SRGAP3: variants seen among roughly 807,000 people sequenced by gnomAD.
SRGAP3 encodes the protein SLIT-ROBO Rho GTPase activating protein 3, also known as SLIT-ROBO Rho GTPase-activating protein 3.
SRGAP3 carries 39 observed loss-of-function variants against 121.1 expected under a neutral mutation model. The ratio of observed to expected loss-of-function variants is 0.32; its 90% CI spans 0.25 to 0.42. The LOEUF is 0.42. SRGAP3 is among the 10% of genes least tolerant of loss of function. The probability of loss-of-function intolerance (pLI) is 1.00; values close to 1 mark genes in which losing one functional copy is unlikely to be tolerated. For missense variants in SRGAP3, 1,213 were observed against 1,470.6 expected, an observed-to-expected ratio of 0.82 and a Z score of 2.86; for synonymous variants, 601 against 570.0, an observed-to-expected ratio of 1.05 and a Z score of -0.77.
chr3:8,994,356 C>T lies in SRGAP3; in HGVS notation c.2395G>A (p.Val799Ile), dbSNP rs1202434909. 5 of 1,614,186 alleles carry T rather than the reference C, an allele frequency of 3.1e-6. No individual in the cohort carries two copies. Among genetic ancestry groups the T allele is most frequent in the East Asian group, 2.2e-5 (1 of 44,888 alleles). Residue 799 changes from valine to isoleucine, a missense_variant, in exon 19 of 22, where the codon GTT (valine) becomes ATT (isoleucine). By Grantham distance (29) the Val-to-Ile change is conservative. This residue lies in a region of SRGAP3 where 793 missense variants were observed against 1,032.9 expected (regional missense o/e 0.77). Coordinates refer to ENST00000383836, the MANE Select transcript of SRGAP3 (RefSeq NM_014850.4). ...GACTCCACTCACATGTCCTGTACAA[C>T]TATGTACTGATGGGGGATGAGTCCA... is the stretch of plus-strand genomic sequence containing the variant. ...VDGLIPHQYI[V>I]VQDMDDAFSD...
chr3:9,274,856 C>T (rs974133948), intron 3 of SRGAP3, among the ~76,000 whole-genome samples: 1 of 152,202 alleles, frequency 6.6e-6, no homozygotes, highest in South Asian at 2.1e-4. Flanking sequence ...CCACTTCTCT[C>T]CAATGTCCAG....
chr3:9,327,322 G>C (rs1955537233), intron 2 of SRGAP3, among the ~76,000 whole-genome samples: 1 of 151,600 alleles, frequency 6.6e-6, no homozygotes, highest in Non-Finnish European at 1.5e-5. Context: ...TTCACACACA[G>C]AATCTCTTAC....
At chr3:9,014,102 A>G (rs1943513040) in intron 15 of SRGAP3, 1 of 524,482 alleles carries the variant, frequency 1.9e-6, no homozygotes, top group Admixed American at 2.9e-5. Context: ...ACCCACAGGG[A>G]GATGCCCTCT....
intron 1 of SRGAP3, among the ~76,000 whole-genome samples, chr3:9,151,571 C>T (rs528209069): frequency 7.2e-4 from 110 of 152,288 alleles, no homozygotes; most frequent in African/African-American, 2.5e-3. Context: ...AGAAGACCTG[C>T]CAGAACTGGT....
intron 1 of SRGAP3, among the ~76,000 whole-genome samples, chr3:9,153,425 A>G (rs1489670318): frequency 6.6e-6 from 1 of 152,210 alleles, no homozygotes; most frequent in Non-Finnish European, 1.5e-5. Flanking sequence ...ACCGTCTCAG[A>G]GTCACACAGT....
At chr3:9,208,031 C>A (rs970006820) in intron 1 of SRGAP3, among the ~76,000 whole-genome samples, 1 of 152,162 alleles carries the variant, frequency 6.6e-6, no homozygotes, top group Non-Finnish European at 1.5e-5. Context: ...AACGTCTGAA[C>A]AGATCCCATC....
intron 1 of SRGAP3, among the ~76,000 whole-genome samples, chr3:9,221,778 C>T (rs1357472493): frequency 1.3e-5 from 2 of 152,334 alleles, no homozygotes; most frequent in Non-Finnish European, 2.9e-5. Flanking sequence ...CTGACTCCAT[C>T]TTTTGGTGCT....
At chr3:9,065,999 A>G (rs1946414327) in intron 4 of SRGAP3, among the ~76,000 whole-genome samples, 1 of 152,066 alleles carries the variant, frequency 6.6e-6, no homozygotes, top group African/African-American at 2.4e-5. Context: ...GGGTTTTGCC[A>G]TGTTGTCCAA....
chr3:9,348,728 G>A (rs905362135), intron 1 of SRGAP3: 70 of 1,273,978 alleles, frequency 5.5e-5, no homozygotes, highest in Non-Finnish European at 7.2e-5. Context: ...GGGTCTGATC[G>A]GTCTCAATAA....
At chr3:9,307,811 A>C (rs1357906267) in intron 3 of SRGAP3, among the ~76,000 whole-genome samples, 1 of 152,260 alleles carries the variant, frequency 6.6e-6, no homozygotes, top group Non-Finnish European at 1.5e-5. Context: ...CCATGTATCC[A>C]TAAATGTGGG....
chr3:9,101,811 C>T (rs1051862233), intron 3 of SRGAP3, among the ~76,000 whole-genome samples: 3 of 152,162 alleles, frequency 2.0e-5, no homozygotes, highest in African/African-American at 7.2e-5. Flanking sequence ...CGATGGCCTC[C>T]TGGATCTCAT....
At chr3:9,257,165 T>G (rs1450004016) in intron 3 of SRGAP3, among the ~76,000 whole-genome samples, 1 of 152,182 alleles carries the variant, frequency 6.6e-6, no homozygotes, top group African/African-American at 2.4e-5. Context: ...TTCTAAAGCA[T>G]GGGGTATGCA....
chr3:9,171,003 T>C (rs148643332), intron 1 of SRGAP3, among the ~76,000 whole-genome samples: 236 of 152,354 alleles, frequency 1.5e-3, no homozygotes, highest in Non-Finnish European at 2.5e-3. Context: ...TGAGGAGTGC[T>C]GATCCTGGCC....
At chr3:9,146,618 G>A (rs577448531) in intron 1 of SRGAP3, among the ~76,000 whole-genome samples, 2 of 152,336 alleles carry the variant, frequency 1.3e-5, no homozygotes, top group South Asian at 4.1e-4. Flanking sequence ...GATTTCATGA[G>A]AAAGCTTGGC....
In SRGAP3 at chr3:9,292,172, G is replaced by T. The variant is rs551343843; in HGVS notation, n.442+33838C>A. On this transcript the variant is annotated intron_variant and non_coding_transcript_variant, in intron 3 of 3. Coordinates refer to the SRGAP3 transcript ENST00000490889. Reference sequence around the variant, plus strand: ...TGAGAAACAATGACATAGATCTTTGGTTCTCAAACTGTAGCGTGCATCAGA... The same window carrying T: ...TGAGAAACAATGACATAGATCTTTGTTTCTCAAACTGTAGCGTGCATCAGA... Among the ~76,000 whole-genome samples the T allele has an allele frequency of 1.1e-4, 16 of 152,286 alleles. No homozygotes were observed. The South Asian group carries it at 3.3e-3, about 32-fold the overall frequency.
intron 1 of SRGAP3, among the ~76,000 whole-genome samples, chr3:9,358,527 G>C (rs11131167): frequency 1.3e-5 from 2 of 152,132 alleles, no homozygotes; most frequent in African/African-American, 4.8e-5. Flanking sequence ...TCAGCCAGCA[G>C]GCAAGCAATC....
chr3:9,153,052 T>C (rs1950266597), intron 1 of SRGAP3, among the ~76,000 whole-genome samples: 2 of 152,176 alleles, frequency 1.3e-5, no homozygotes, highest in African/African-American at 4.8e-5. Context: ...ATTTCTATCT[T>C]AGCACCTTCC....
chr3:9,143,930 C>A (rs929904559), intron 1 of SRGAP3, among the ~76,000 whole-genome samples: 1 of 152,150 alleles, frequency 6.6e-6, no homozygotes, highest in Admixed American at 6.5e-5. Context: ...CCCAACACTT[C>A]TTCTAAATTC....
chr3:9,145,107 T>C (rs1949980507), intron 1 of SRGAP3, among the ~76,000 whole-genome samples: 1 of 152,176 alleles, frequency 6.6e-6, no homozygotes, highest in Non-Finnish European at 1.5e-5. Context: ...ATTTATTTAT[T>C]TATTTTCAGA....
Sources: allele counts gnomAD v4.1 joint callset (sites outside exome capture counted in the v4.1 genomes callset), GRCh38; gene constraint gnomAD v4.1.1; regional missense constraint gnomAD v4.1.1; transcripts MANE v1.5; gene names NCBI Gene and HGNC (gene_info 2026-07-23, HGNC 2026-07-21).